NKTR: variants seen among roughly 807,000 people sequenced by gnomAD.
NKTR encodes the protein NK-tumor recognition protein.
Under a neutral mutation model 156.3 loss-of-function variants are expected in NKTR, and 67 were observed. That is an observed-to-expected ratio of 0.43 (90% CI 0.35 to 0.53). The LOEUF (loss-of-function observed/expected upper bound fraction) is 0.53. Among genes scored for constraint, NKTR ranks in the 20% least tolerant of loss-of-function variants. The pLI, the probability that NKTR is intolerant of heterozygous loss-of-function variation, is 0.01. For missense variants in NKTR, 1,604 were observed against 1,730.9 expected, an observed-to-expected ratio of 0.93 and a Z score of 1.30; for synonymous variants, 640 against 596.6, an observed-to-expected ratio of 1.07 and a Z score of -1.06.
rs201803926 is a variant in NKTR, at chr3:42,607,969, C to CTTTTTTTT, written c.58+6941_58+6948dup. On this transcript the variant is annotated intron_variant, in intron 2 of 16. Coordinates refer to ENST00000232978, the MANE Select transcript of NKTR (RefSeq NM_005385.4). Reference sequence around the variant, plus strand: ...TGCCAATCGCAAGTCCTGAGTCGCTCTTTTTTTTTTTTTTTTTTTTTTTTT... The same window carrying CTTTTTTTT: ...TGCCAATCGCAAGTCCTGAGTCGCTCTTTTTTTTTTTTTTTTTTTTTTTTTTTTTTTTT... 8.3e-4 allele frequency among the ~76,000 whole-genome samples: 62 copies of CTTTTTTTT among 74,940 alleles called. 1 individual carries two copies. Among genetic ancestry groups the CTTTTTTTT allele is most frequent in the Non-Finnish European group, 1.2e-3 (42 of 33,900 alleles). 49.2% of individuals were successfully genotyped at this position (74,940 alleles called of 152,430 possible). A position where few individuals can be genotyped will look rare whatever the true frequency, so the allele number is the denominator to read the frequency against.
At chr3:42,645,225 C>T (rs918193538) in intron 16 of NKTR, among the ~76,000 whole-genome samples, 3 of 151,778 alleles carry the variant, frequency 2.0e-5, no homozygotes, top group African/African-American at 4.8e-5. Context: ...TATTGATACT[C>T]ATTTTGGGTA....
chr3:42,616,943 CA>C (rs1440454686), intron 2 of NKTR, among the ~76,000 whole-genome samples: 1 of 152,052 alleles, frequency 6.6e-6, no homozygotes, highest in African/African-American at 2.4e-5. Flanking sequence ...TTTGTAGAGA[CA>C]GGGGTCGTTC....
At chr3:42,620,951 AT>A (rs1049202477) in intron 5 of NKTR, 13 of 900,712 alleles carry the variant, frequency 1.4e-5, no homozygotes, top group Non-Finnish European at 1.6e-5. Flanking sequence ...ATATAACATA[AT>A]TTTTTTGTCT....
chr3:42,601,139 C>T (rs1284234808), intron 2 of NKTR, 75 bp downstream of exon 2: 11 of 1,278,534 alleles, frequency 8.6e-6, no homozygotes, highest in Non-Finnish European at 1.2e-5. Context: ...CCCTCAGCAA[C>T]CCTCCCCCGG....
intron 6 of NKTR, among the ~76,000 whole-genome samples, chr3:42,622,456 A>G (rs1708005144): frequency 6.6e-6 from 1 of 152,074 alleles, no homozygotes; most frequent in Non-Finnish European, 1.5e-5. Flanking sequence ...ATGAATGAGT[A>G]TGAATGGCGC....
At chr3:42,643,295 G>A (rs13072295) in intron 14 of NKTR, 44 bp from the exon 15 acceptor site, 221,449 of 1,549,822 alleles carry the variant, frequency 0.14, 18,014 homozygotes, top group African/African-American at 0.29. Context: ...AGCCTGTCCT[G>A]CCCTGATCTA....
intron 6 of NKTR, among the ~76,000 whole-genome samples, chr3:42,624,124 GC>G (rs1384977302): frequency 6.6e-6 from 1 of 151,688 alleles, no homozygotes; most frequent in African/African-American, 2.4e-5. Context: ...TGCATATATT[GC>G]TTTCTTTGGC....
At chr3:42,633,427 A>T in intron 9 of NKTR, 153 bp from the exon 10 acceptor site, 2 of 1,413,498 alleles carry the variant, frequency 1.4e-6, no homozygotes, top group Non-Finnish European at 9.2e-7. Flanking sequence ...CACTGGGTTG[A>T]TATTGTTCTC....
chr3:42,614,492 G>A (rs187430956), intron 2 of NKTR, among the ~76,000 whole-genome samples: 1 of 151,142 alleles, frequency 6.6e-6, no homozygotes, highest in East Asian at 1.9e-4. Context: ...TTTCAGAATA[G>A]AAGTATCATC....
chr3:42,621,140 T>A, intron 5 of NKTR: 1 of 1,006,554 alleles, frequency 9.9e-7, no homozygotes, highest in Non-Finnish European at 1.2e-6. Context: ...GTTAATAATT[T>A]AAATATCATT....
chr3:42,631,029 C>T, intron 7 of NKTR, 142 bp from the exon 8 acceptor site: 1 of 1,420,076 alleles, frequency 7.0e-7, no homozygotes, highest in East Asian at 2.6e-5. Context: ...AGTTCTCATT[C>T]CATTCTAGTT....
At chr3:42,626,564 T>C (rs1215527009) in intron 6 of NKTR, among the ~76,000 whole-genome samples, 2 of 152,176 alleles carry the variant, frequency 1.3e-5, no homozygotes, top group African/African-American at 2.4e-5. Flanking sequence ...TTTATTATTA[T>C]GTTCAGTGAC....
chr3:42,625,212 A>G (rs1439461279), intron 6 of NKTR, among the ~76,000 whole-genome samples: 1 of 152,192 alleles, frequency 6.6e-6, no homozygotes, highest in Non-Finnish European at 1.5e-5. Flanking sequence ...CAAGAGCAAC[A>G]GAAGTCTCTT....
chr3:42,636,738 C>G lies in NKTR; in HGVS notation c.1164-130C>G, dbSNP rs1291593464. 4 of 1,307,662 alleles carry G rather than the reference C, an allele frequency of 3.1e-6. No individual in the cohort carries two copies. In the African/African-American group the frequency reaches 4.5e-5, roughly 15 times the overall value. 81.0% of individuals were successfully genotyped at this position (1,307,662 alleles called of 1,614,324 possible). ...GTATAACAAGACCAGGCCTATAACT[C>G]TGATTCACGCTTCCTGCGTGTGCTT... On this transcript the variant is annotated intron_variant, in intron 12 of 16. Coordinates refer to ENST00000232978, the MANE Select transcript of NKTR (RefSeq NM_005385.4).
At chr3:42,617,905 A>T (rs1707532549) in intron 3 of NKTR, among the ~76,000 whole-genome samples, 1 of 152,220 alleles carries the variant, frequency 6.6e-6, no homozygotes, top group Non-Finnish European at 1.5e-5. Context: ...TATACATTTT[A>T]ATTTATAAAA....
At chr3:42,622,587 T>A (rs1708016783) in intron 6 of NKTR, among the ~76,000 whole-genome samples, 1 of 152,044 alleles carries the variant, frequency 6.6e-6, no homozygotes, top group African/African-American at 2.4e-5. Context: ...TTCCTAAGAA[T>A]GTCCTAAAAA....
chr3:42,634,962 T>G (rs1234375487), intron 11 of NKTR: 1 of 450,436 alleles, frequency 2.2e-6, no homozygotes, highest in East Asian at 3.5e-5. Context: ...AAAGGAAAAT[T>G]TTATGTGGAT....
rs770496104 is a variant in NKTR, at chr3:42,645,849, A to C, written c.4302-39A>C. On this transcript the variant is annotated intron_variant, in intron 16 of 16. Coordinates refer to ENST00000232978, the MANE Select transcript of NKTR (RefSeq NM_005385.4). ...TATAAGAGGAATTCAAAGATTTTACAGTTACAAGATTTTTATATATTTTGT... is the reference window on the plus strand; with the variant it reads ...TATAAGAGGAATTCAAAGATTTTACCGTTACAAGATTTTTATATATTTTGT... The C allele has an allele frequency of 4.3e-6, 6 of 1,405,036 alleles. No individual in the cohort carries two copies. The Admixed American group carries it at 1.1e-4, about 26-fold the overall frequency. 87.0% of individuals were successfully genotyped at this position (1,405,036 alleles called of 1,614,324 possible).
chr3:42,643,997 G>C lies in NKTR; in HGVS notation c.4295G>C (p.Arg1432Pro), dbSNP rs767411541. 1 of 1,611,952 alleles carries C rather than the reference G, an allele frequency of 6.2e-7. No homozygotes were observed. Among genetic ancestry groups the C allele is most frequent in the Non-Finnish European group, 8.5e-7 (1 of 1,178,430 alleles). Residue 1432 changes from arginine to proline, a missense_variant, in exon 16 of 17, where the codon CGG becomes CCG. Transcript: ENST00000232978. The stretch of plus-strand genomic sequence containing the variant: ...CACCGAGGCAGAAGTTATAATCGGC[G>C]GTCCAGGTGGGTCTCTCTCCTTTAT... ...SYHRGRSYNR[R>P]SRSCRSYGSD...
Sources: allele counts gnomAD v4.1 joint callset (sites outside exome capture counted in the v4.1 genomes callset), GRCh38; gene constraint gnomAD v4.1.1; transcripts MANE v1.5; gene names NCBI Gene and HGNC (gene_info 2026-07-23, HGNC 2026-07-21).